NR3C2: variants seen among roughly 807,000 people sequenced by gnomAD.
The protein encoded by NR3C2 is mineralocorticoid receptor.
In NR3C2, 15 loss-of-function variants were observed where a neutral mutation model predicts 86.4. The observed-to-expected ratio is 0.17, with a 90% confidence interval of 0.12 to 0.27. The LOEUF is 0.27. NR3C2 is among the 10% of genes least tolerant of loss of function. NR3C2 has a pLI of 1.00. For missense variants in NR3C2, 960 were observed against 1,195.6 expected (o/e 0.80, Z 2.91); for synonymous variants, 458 against 450.5 (o/e 1.02, Z -0.21).
At chr4:148,193,006 C>T (rs1736271661) in intron 4 of NR3C2, among the ~76,000 whole-genome samples, 1 of 152,198 alleles carries the variant, frequency 6.6e-6, no homozygotes, top group African/African-American at 2.4e-5. Context: ...GGCTTCTCAC[C>T]CTGTTCAAAT....
chr4:148,373,357 CAACT>C (rs1332489705), intron 2 of NR3C2, among the ~76,000 whole-genome samples: 1 of 152,106 alleles, frequency 6.6e-6, no homozygotes, highest in Non-Finnish European at 1.5e-5. Flanking sequence ...GATTTACAAC[CAACT>C]ATCCTGTATC....
intron 2 of NR3C2, among the ~76,000 whole-genome samples, chr4:148,345,127 G>A (rs188244227): frequency 4.7e-4 from 72 of 152,242 alleles, no homozygotes; most frequent in Admixed American, 1.2e-3. Context: ...ATTCCAGATA[G>A]AGTAGTTATC....
chr4:148,187,697 C>T (rs761966718), intron 4 of NR3C2, among the ~76,000 whole-genome samples: 15 of 152,102 alleles, frequency 9.9e-5, no homozygotes, highest in Admixed American at 3.9e-4. Context: ...CTGTTCCTTT[C>T]GCTGTGCAAA....
intron 6 of NR3C2, among the ~76,000 whole-genome samples, chr4:148,130,088 T>C (rs4835487): frequency 0.49 from 75,134 of 152,002 alleles, 19,058 homozygotes; most frequent in East Asian, 0.7. Context: ...TTGCAAGCTA[T>C]GCTCAATGCT....
chr4:148,398,798 C>T (rs1226610983), intron 2 of NR3C2, among the ~76,000 whole-genome samples: 1 of 152,026 alleles, frequency 6.6e-6, no homozygotes, highest in Non-Finnish European at 1.5e-5. Context: ...AAATAATTAC[C>T]AATTGTAATG....
At chr4:148,309,529 C>T (rs565552875) in intron 2 of NR3C2, among the ~76,000 whole-genome samples, 2 of 151,970 alleles carry the variant, frequency 1.3e-5, no homozygotes, top group Admixed American at 6.6e-5. Context: ...AAGAGACACA[C>T]ATGCACATGG....
rs976380193 is a variant in NR3C2, at chr4:148,152,525, C to T, written c.2454G>A (p.Ser818=). ...GAAATTGGCTGTTCGTATGTTTGTA[C>T]GATCTCCAGCTCAAGGCAAATGATG... ...CLSSFALSWR[S]YKHTNSQFLY... The change falls in exon 6 of 9, where the codon TCG becomes TCA. Residue 818 remains serine, a synonymous_variant. Coordinates refer to ENST00000358102, the MANE Select transcript of NR3C2 (RefSeq NM_000901.5). 1.5e-5 allele frequency: 24 copies of T among 1,614,052 alleles called. No individual in the cohort carries two copies. Among genetic ancestry groups the T allele is most frequent in the South Asian group, 3.3e-5 (3 of 91,082 alleles).
intron 3 of NR3C2, among the ~76,000 whole-genome samples, chr4:148,233,694 G>C (rs566107046): frequency 2.6e-5 from 4 of 152,266 alleles, no homozygotes; most frequent in Admixed American, 2.0e-4. Flanking sequence ...GAGAGGAAGA[G>C]AGATGGAGGG....
intron 2 of NR3C2, among the ~76,000 whole-genome samples, chr4:148,319,816 T>A (rs1020031391): frequency 1.3e-4 from 20 of 148,826 alleles, no homozygotes; most frequent in Non-Finnish European, 2.9e-5. Flanking sequence ...AATCATGTCG[T>A]CTGCAAACAG....
chr4:148,258,573 G>C (rs1179377526), intron 3 of NR3C2, among the ~76,000 whole-genome samples: 1 of 152,138 alleles, frequency 6.6e-6, no homozygotes, highest in African/African-American at 2.4e-5. Context: ...GGCAGAGGTG[G>C]GCATGTGAGC....
intron 2 of NR3C2, among the ~76,000 whole-genome samples, chr4:148,290,699 T>C (rs1230734449): frequency 6.6e-6 from 1 of 152,202 alleles, no homozygotes; most frequent in East Asian, 1.9e-4. Flanking sequence ...TGCAAATAAT[T>C]GCTTAGCTGT....
intron 2 of NR3C2, among the ~76,000 whole-genome samples, chr4:148,296,442 T>C (rs1742061253): frequency 6.6e-6 from 1 of 152,210 alleles, no homozygotes; most frequent in Non-Finnish European, 1.5e-5. Context: ...TAGAATCTTT[T>C]GTTTTCTTTC....
chr4:148,380,879 T>C (rs753699227), intron 2 of NR3C2, among the ~76,000 whole-genome samples: 1 of 152,190 alleles, frequency 6.6e-6, no homozygotes, highest in Non-Finnish European at 1.5e-5. Context: ...AAAACCATAA[T>C]ATTTAAAAAT....
At chr4:148,329,252 T>C (rs1441625717) in intron 2 of NR3C2, among the ~76,000 whole-genome samples, 1 of 152,232 alleles carries the variant, frequency 6.6e-6, no homozygotes, top group Admixed American at 6.5e-5. Context: ...TTATCTTTTA[T>C]GCATCTTTCT....
chr4:148,318,268 T>G (rs1051646009), intron 2 of NR3C2, among the ~76,000 whole-genome samples: 4 of 151,644 alleles, frequency 2.6e-5, no homozygotes, highest in African/African-American at 9.7e-5. Context: ...CTTAATCCAG[T>G]CTATCATTGT....
At chr4:148,101,938 T>C (rs543664578) in intron 8 of NR3C2, among the ~76,000 whole-genome samples, 2 of 152,280 alleles carry the variant, frequency 1.3e-5, no homozygotes, top group African/African-American at 2.4e-5. Context: ...CTAATATAGA[T>C]ACTGGAAACC....
chr4:148,176,726 T>C (rs1290880195), intron 4 of NR3C2, among the ~76,000 whole-genome samples: 1 of 152,180 alleles, frequency 6.6e-6, no homozygotes. Context: ...TACCTTCTTA[T>C]TATCACCATC....
chr4:148,327,033 A>T (rs966980695), intron 2 of NR3C2, among the ~76,000 whole-genome samples: 1 of 152,218 alleles, frequency 6.6e-6, no homozygotes, highest in Admixed American at 6.5e-5. Flanking sequence ...GTTGAATAAG[A>T]ATTATTTTTG....
intron 2 of NR3C2, among the ~76,000 whole-genome samples, chr4:148,267,081 T>TG (rs1740433682): frequency 6.6e-6 from 1 of 152,176 alleles, no homozygotes; most frequent in African/African-American, 2.4e-5. Flanking sequence ...CTAGGAGCCA[T>TG]ATATGTCAGG....
Sources: allele counts gnomAD v4.1 joint callset (sites outside exome capture counted in the v4.1 genomes callset), GRCh38; gene constraint gnomAD v4.1.1; transcripts MANE v1.5; gene names NCBI Gene and HGNC (gene_info 2026-07-23, HGNC 2026-07-21).